Variants in ECT2 observed in about 807,000 individuals in gnomAD.
ECT2 encodes the protein protein ECT2.
ECT2 carries 61 observed loss-of-function variants against 116.9 expected under a neutral mutation model. The observed-to-expected ratio is 0.52, with a 90% CI of 0.42 to 0.65. ECT2 has a LOEUF of 0.65. ECT2 is among the 30% of genes least tolerant of loss of function. ECT2 has a pLI of 0.00. For synonymous variants in ECT2, 358 were observed against 346.4 expected (o/e 1.03, Z -0.37); for missense variants, 937 against 1,078.7 (o/e 0.87, Z 1.84).
intron 5 of ECT2, among the ~76,000 whole-genome samples, chr3:172,757,553 C>T (rs1156694365): frequency 4.0e-5 from 6 of 151,734 alleles, no homozygotes; most frequent in Non-Finnish European, 7.4e-5. Flanking sequence ...GTAGCTGGGA[C>T]TACAGGTGCC....
At chr3:172,798,226 A>G (rs1726080638) in intron 18 of ECT2, among the ~76,000 whole-genome samples, 1 of 152,192 alleles carries the variant, frequency 6.6e-6, no homozygotes, top group South Asian at 2.1e-4. Flanking sequence ...TGTAAGTTAC[A>G]GAAATCTGTT....
downstream of ECT2, among the ~76,000 whole-genome samples, chr3:172,822,860 T>C (rs1353890849): frequency 6.6e-6 from 1 of 151,928 alleles, no homozygotes; most frequent in Non-Finnish European, 1.5e-5. Context: ...AAGAAGTGTT[T>C]AAGAGATGTA....
At chr3:172,755,794 G>A (rs11919000) in intron 4 of ECT2, among the ~76,000 whole-genome samples, 9,340 of 151,890 alleles carry the variant, frequency 0.061, 964 homozygotes, top group African/African-American at 0.21. Flanking sequence ...TATAAATCAC[G>A]GTAATTTATA....
chr3:172,768,982 A>G (rs1243541197), intron 12 of ECT2, 25 bp from the exon 13 acceptor site: 3 of 1,566,088 alleles, frequency 1.9e-6, no homozygotes, highest in East Asian at 2.3e-5. Flanking sequence ...CTTCCATTAA[A>G]TCTTTCCACC....
rs1336363129 is a variant in ECT2, at chr3:172,757,101, T to C, written c.422T>C (p.Leu141Pro). The C allele has an allele frequency of 1.3e-6, 2 of 1,596,574 alleles. No homozygotes were observed. Among genetic ancestry groups the C allele is most frequent in the Non-Finnish European group, 1.7e-6 (2 of 1,174,192 alleles). ...TDFQDSVFNDLYKADCRVIGP... is the reference protein window; with the variant it reads ...TDFQDSVFNDPYKADCRVIGP... ...TTTCAGGATTCTGTCTTTAATGACC[T>C]CTACAAGGCTGATTGTAGAGTTATT... The change falls in exon 5 of 25, where the codon CTC becomes CCC. Residue 141 changes from leucine (L) to proline (P), a missense_variant. Transcript: ENST00000392692.
intron 12 of ECT2, among the ~76,000 whole-genome samples, chr3:172,767,711 G>T (rs1719766973): frequency 6.7e-6 from 1 of 149,994 alleles, no homozygotes; most frequent in Admixed American, 6.6e-5. Flanking sequence ...TATATCTATA[G>T]ATATGTGTAT....
chr3:172,759,110 CA>C lies in ECT2; in HGVS notation c.576+45del, dbSNP rs766564980. On this transcript the variant is annotated intron_variant, in intron 6 of 24. Transcript: ENST00000392692. ...CAAATTCAAAGCGTATTTTTTACAG[CA>C]AAATAAATTAAAATTGGCTTTTTTT... 4 of 1,383,568 alleles carry C rather than the reference CA, an allele frequency of 2.9e-6. No homozygotes were observed. In the African/African-American group the frequency reaches 5.9e-5, roughly 20 times the overall value. 85.7% of individuals were successfully genotyped at this position (1,383,568 alleles called of 1,614,324 possible). A position where few individuals can be genotyped will look rare whatever the true frequency, so the allele number is the denominator to read the frequency against.
At position 172,805,869 on chromosome 3, in the gene ECT2, G is replaced by A. The variant is rs1727588364; in HGVS notation, c.2245G>A (p.Asp749Asn). The A allele has an allele frequency of 1.2e-6, 2 of 1,611,744 alleles. No homozygotes were observed. The highest frequency in any genetic ancestry group is 1.7e-6 in the Non-Finnish European group (2 of 1,178,944). Residue 749 changes from aspartate to asparagine, a missense_variant and splice_region_variant, in exon 21 of 25, where the codon GAT becomes AAT. Coordinates refer to ENST00000392692, the MANE Select transcript of ECT2 (RefSeq NM_001258315.2). ...GGTATTGGACATAAGAGAGACAGAA[G>A]GTATGCCGGTCGGATACATTCTTGG... Reference protein sequence around the residue: ...KKVLDIRETEDCHNAFALLVR... With the variant: ...KKVLDIRETENCHNAFALLVR...
At chr3:172,793,676 C>G (rs1396905069) in intron 18 of ECT2, among the ~76,000 whole-genome samples, 2 of 151,768 alleles carry the variant, frequency 1.3e-5, no homozygotes, top group African/African-American at 4.8e-5. Flanking sequence ...GTTGGCCAGT[C>G]TGGTCTCGAT....
chr3:172,751,358 G>A (rs1312525531), intron 1 of ECT2, among the ~76,000 whole-genome samples: 1 of 152,240 alleles, frequency 6.6e-6, no homozygotes, highest in Non-Finnish European at 1.5e-5. Flanking sequence ...AGTGGTTAAA[G>A]GCGCAGCCTC....
chr3:172,810,160 A>G (rs1215599600), intron 22 of ECT2, among the ~76,000 whole-genome samples: 1 of 152,180 alleles, frequency 6.6e-6, no homozygotes, highest in Non-Finnish European at 1.5e-5. Context: ...GTATAATTTT[A>G]TTAATAAGTA....
chr3:172,789,197 T>C (rs1416599730), intron 18 of ECT2, among the ~76,000 whole-genome samples: 1 of 150,694 alleles, frequency 6.6e-6, no homozygotes, highest in South Asian at 2.1e-4. Context: ...CTGTGGTAAT[T>C]GCTTCTCTCT....
intron 5 of ECT2, among the ~76,000 whole-genome samples, chr3:172,757,415 CTT>C (rs34169147): frequency 2.5e-5 from 3 of 120,430 alleles, no homozygotes; most frequent in Non-Finnish European, 1.7e-5. Context: ...ATACATAGTC[CTT>C]TTTTTTTTTT....
At chr3:172,814,851 A>G (rs1729416400) in intron 22 of ECT2, among the ~76,000 whole-genome samples, 1 of 152,182 alleles carries the variant, frequency 6.6e-6, no homozygotes, top group African/African-American at 2.4e-5. Context: ...ACAATGCAAT[A>G]ATGTATTGTC....
chr3:172,770,501 CCT>C (rs1221116248), intron 13 of ECT2, among the ~76,000 whole-genome samples: 2 of 152,032 alleles, frequency 1.3e-5, no homozygotes, highest in African/African-American at 4.8e-5. Context: ...AGTATTCTCT[CCT>C]TAAAAAAATT....
chr3:172,757,651 G>A (rs1349569595), intron 5 of ECT2, among the ~76,000 whole-genome samples: 2 of 151,864 alleles, frequency 1.3e-5, no homozygotes, highest in Non-Finnish European at 2.9e-5. Context: ...TCCTGACCTC[G>A]TGATCCACCC....
At chr3:172,753,626 G>A (rs1392983819) in intron 1 of ECT2, among the ~76,000 whole-genome samples, 2 of 152,186 alleles carry the variant, frequency 1.3e-5, no homozygotes, top group African/African-American at 4.8e-5. Context: ...CATCCACAGA[G>A]GATGAGTCAA....
chr3:172,817,673 A>G (rs1729988939), intron 24 of ECT2, among the ~76,000 whole-genome samples: 1 of 152,118 alleles, frequency 6.6e-6, no homozygotes, highest in African/African-American at 2.4e-5. Flanking sequence ...CAGAATTATT[A>G]TTAGATATTT....
intron 18 of ECT2, among the ~76,000 whole-genome samples, chr3:172,798,888 T>TA (rs1307425943): frequency 6.6e-6 from 1 of 152,182 alleles, no homozygotes; most frequent in Non-Finnish European, 1.5e-5. Context: ...ACAATATGCA[T>TA]AAAATGCCTG....
Sources: allele counts gnomAD v4.1 joint callset (sites outside exome capture counted in the v4.1 genomes callset), GRCh38; gene constraint gnomAD v4.1.1; transcripts MANE v1.5; gene names NCBI Gene and HGNC (gene_info 2026-07-23, HGNC 2026-07-21).